ARHGEF9: variants seen among roughly 807,000 people sequenced by gnomAD.
ARHGEF9 encodes the protein rho guanine nucleotide exchange factor 9.
ARHGEF9 carries 2 observed loss-of-function variants against 41.3 expected under a neutral mutation model. The observed-to-expected ratio is 0.05, with a 90% CI of 0.02 to 0.15. The LOEUF is 0.15. Among genes scored for constraint, ARHGEF9 ranks in the 10% least tolerant of loss-of-function variants. The pLI is 1.00. For synonymous variants in ARHGEF9, 160 were observed against 154.4 expected, an observed-to-expected ratio of 1.04 and a Z score of -0.27; for missense variants, 225 against 424.7, an observed-to-expected ratio of 0.53 and a Z score of 4.13.
chrX:63,766,891 T>C (rs1374553143), intron 1 of ARHGEF9: 14 of 380,489 alleles, frequency 3.7e-5, no homozygotes, highest in East Asian at 1.0e-4. Context: ...GAAACAATCA[T>C]GGGCCAGGAA....
intron 1 of ARHGEF9, among the ~76,000 whole-genome samples, chrX:63,774,912 A>G (rs1556457196): frequency 8.9e-6 from 1 of 112,109 alleles, no homozygotes; most frequent in African/African-American, 3.2e-5. Flanking sequence ...TTTGAAAACT[A>G]TGTATCCAAC....
intron 1 of ARHGEF9, among the ~76,000 whole-genome samples, chrX:63,728,731 G>A (rs1378527006): frequency 8.9e-6 from 1 of 112,128 alleles, no homozygotes; most frequent in African/African-American, 3.2e-5. Context: ...TGCCTGGCAT[G>A]TGCTGGCCTA....
intron 8 of ARHGEF9, among the ~76,000 whole-genome samples, chrX:63,647,657 A>G (rs1556318180): frequency 9.0e-6 from 1 of 111,491 alleles, no homozygotes; most frequent in East Asian, 2.8e-4. Context: ...GGATTTTTGC[A>G]TCAATGTTCA....
intron 6 of ARHGEF9, among the ~76,000 whole-genome samples, chrX:63,669,673 C>A (rs374803069): frequency 5.0e-4 from 56 of 111,591 alleles, no homozygotes; most frequent in Admixed American, 2.0e-3. Flanking sequence ...GTCTGGAATT[C>A]TGTGCCCCAA....
rs1231046450 is a variant in ARHGEF9, at chrX:63,746,368, T to A, written c.31-21657A>T. On this transcript the variant is annotated intron_variant, in intron 1 of 9. Transcript: ENST00000671741. ...TCCTCCACATTGCCCCTTTTGCTCC[T>A]TTCTTCAAAGCTTCCTCCTGAATAC... Among the ~76,000 whole-genome samples, 3 of 112,048 alleles carry A rather than the reference T, an allele frequency of 2.7e-5. No individual in the cohort carries two copies. In the Admixed American group the frequency reaches 2.8e-4, roughly 11 times the overall value.
In ARHGEF9 at chrX:63,772,152, T is replaced by G. The variant is rs1479646029; in HGVS notation, c.30+12964A>C. Reference sequence around the variant, plus strand: ...ACAGGTGAAGTCACTTACTCAAAATTACACAGCTGGTCTGTGGCAGAGCCA... The same window carrying G: ...ACAGGTGAAGTCACTTACTCAAAATGACACAGCTGGTCTGTGGCAGAGCCA... On this transcript the variant is annotated intron_variant, in intron 1 of 9. Transcript: ENST00000671741. Among the ~76,000 whole-genome samples, 8 of 112,427 alleles carry G rather than the reference T, an allele frequency of 7.1e-5. No individual in the cohort carries two copies. In the Admixed American group the frequency reaches 7.5e-4, roughly 11 times the overall value.
chrX:63,672,056 G>A (rs1199990188), intron 6 of ARHGEF9, among the ~76,000 whole-genome samples: 1 of 111,223 alleles, frequency 9.0e-6, no homozygotes, highest in Non-Finnish European at 1.9e-5. Flanking sequence ...GGTATTTGGA[G>A]GTAAGGCCTT....
chrX:63,639,111 A>G (rs1556302586), intron 9 of ARHGEF9, among the ~76,000 whole-genome samples: 1 of 111,687 alleles, frequency 9.0e-6, no homozygotes, highest in East Asian at 2.8e-4. Context: ...CTGCTCCCAA[A>G]TACCTTCCTC....
chrX:63,723,658 G>A (rs1556415078), intron 2 of ARHGEF9, among the ~76,000 whole-genome samples: 1 of 112,132 alleles, frequency 8.9e-6, no homozygotes, highest in African/African-American at 3.2e-5. Flanking sequence ...GAAAATCAGA[G>A]CTCAAAATAG....
intron 4 of ARHGEF9, among the ~76,000 whole-genome samples, chrX:63,687,172 CT>C (rs1458082218): frequency 1.8e-5 from 2 of 111,849 alleles, no homozygotes; most frequent in Non-Finnish European, 3.8e-5. Flanking sequence ...AGGAAGCACA[CT>C]TCATCAGTCC....
At chrX:63,647,913 G>A (rs1384051629) in intron 8 of ARHGEF9, among the ~76,000 whole-genome samples, 1 of 111,020 alleles carries the variant, frequency 9.0e-6, no homozygotes, top group Non-Finnish European at 1.9e-5. Context: ...TTTAGAGCCT[G>A]TAAACGAACA....
At chrX:63,679,818 C>T (rs1481560405) in intron 4 of ARHGEF9, among the ~76,000 whole-genome samples, 3 of 111,340 alleles carry the variant, frequency 2.7e-5, no homozygotes, top group African/African-American at 6.5e-5. Flanking sequence ...TAGTTAACAC[C>T]GTACTGTATA....
intron 9 of ARHGEF9, chrX:63,639,867 A>G: frequency 8.9e-6 from 1 of 112,119 alleles, no homozygotes; most frequent in Non-Finnish European, 1.9e-5. Flanking sequence ...AGGCACAGAA[A>G]GACAAATATC....
intron 2 of ARHGEF9, among the ~76,000 whole-genome samples, chrX:63,710,469 A>C (rs1274425057): frequency 9.0e-6 from 1 of 111,068 alleles, no homozygotes; most frequent in African/African-American, 3.3e-5. Context: ...TATTAAAAAC[A>C]AATTGCCCAC....
chrX:63,690,489 A>T (rs192856994), intron 4 of ARHGEF9, among the ~76,000 whole-genome samples: 14 of 111,950 alleles, frequency 1.3e-4, no homozygotes, highest in African/African-American at 4.2e-4. Flanking sequence ...TCAAAACAGT[A>T]ATAAAAAGTG....
intron 1 of ARHGEF9, among the ~76,000 whole-genome samples, chrX:63,728,340 A>T (rs1569493564): frequency 8.9e-6 from 1 of 112,470 alleles, no homozygotes; most frequent in East Asian, 2.8e-4. Flanking sequence ...TACTGTGTGC[A>T]GGGATCTGCT....
In ARHGEF9 at chrX:63,724,525, C is replaced by A. The variant is rs1556415763; in HGVS notation, c.210+7G>T. ...AATAGGAGAGGAGAGTGAAGACTGA[C>A]ACTCACCCTCACAAAGCTGGCAGGA... On this transcript the variant is annotated splice_region_variant and intron_variant, in intron 2 of 9. Transcript: ENST00000671741. 8.3e-7 allele frequency: 1 copy of A among 1,206,959 alleles called. No individual in the cohort carries two copies. Among genetic ancestry groups the A allele is most frequent in the Non-Finnish European group, 1.1e-6 (1 of 893,867 alleles).
chrX:63,782,400 C>T (rs2056396615), intron 1 of ARHGEF9, among the ~76,000 whole-genome samples: 1 of 112,200 alleles, frequency 8.9e-6, no homozygotes, highest in African/African-American at 3.2e-5. Context: ...ACTCTGAGAA[C>T]AGTGTTCTTT....
chrX:63,705,128 T>C (rs1204084821), intron 3 of ARHGEF9, among the ~76,000 whole-genome samples: 1 of 112,393 alleles, frequency 8.9e-6, no homozygotes. Context: ...ATAGCTACTA[T>C]ATTGGAGAAT....
Sources: allele counts gnomAD v4.1 joint callset (sites outside exome capture counted in the v4.1 genomes callset), GRCh38; gene constraint gnomAD v4.1.1; transcripts MANE v1.5; gene names NCBI Gene and HGNC (gene_info 2026-07-23, HGNC 2026-07-21).